The following ABCC4 variants were observed in gnomAD, a reference collection of about 807,000 sequenced individuals.
The protein encoded by ABCC4 is ATP-binding cassette sub-family C member 4.
A neutral mutation model predicts 168.5 loss-of-function variants in ABCC4; 102 were observed. That is an observed-to-expected ratio of 0.61 (90% confidence interval 0.52 to 0.71). The LOEUF is 0.71. Among genes scored for constraint, ABCC4 ranks in the 30% least tolerant of loss-of-function variants. ABCC4 has a pLI of 0.00. For synonymous variants in ABCC4, 617 were observed against 590.7 expected (o/e 1.04, Z -0.65); for missense variants, 1,402 against 1,605.8 (o/e 0.87, Z 2.17).
Position 95,254,713 on chromosome 13 carries a change from T to C in ABCC4, c.75-6960A>G, listed in dbSNP as rs1341611936. On this transcript the variant is annotated intron_variant, in intron 1 of 30. Coordinates refer to ENST00000645237, the MANE Select transcript of ABCC4 (RefSeq NM_005845.5). ...ACATGCAAAGTATATCCAGAAACAGTCACATTGACCCTATAAGGCTCACCC... is the reference window on the plus strand; with the variant it reads ...ACATGCAAAGTATATCCAGAAACAGCCACATTGACCCTATAAGGCTCACCC... Among the ~76,000 whole-genome samples the C allele has an allele frequency of 2.0e-5, 3 of 152,200 alleles. No individual in the cohort carries two copies. In the East Asian group the frequency reaches 5.8e-4, roughly 29 times the overall value.
At chr13:95,126,754 T>TATATA (rs2035785615) in intron 19 of ABCC4, among the ~76,000 whole-genome samples, 2 of 100,246 alleles carry the variant, frequency 2.0e-5, no homozygotes, top group Non-Finnish European at 4.2e-5. Context: ...TATATATATA[T>TATATA]TCCAAAATAT....
At chr13:95,077,187 C>T (rs778497746) in intron 21 of ABCC4, among the ~76,000 whole-genome samples, 7 of 152,186 alleles carry the variant, frequency 4.6e-5, no homozygotes, top group Admixed American at 1.3e-4. Flanking sequence ...ATTGGGGACA[C>T]GTGACCTAGC....
intron 25 of ABCC4, among the ~76,000 whole-genome samples, chr13:95,069,051 T>C (rs1324994271): frequency 2.0e-5 from 3 of 152,240 alleles, no homozygotes; most frequent in Admixed American, 2.0e-4. Context: ...CTTCTGGGCA[T>C]GAAGCTGTAT....
At chr13:95,119,291 A>G (rs2035481677) in intron 19 of ABCC4, among the ~76,000 whole-genome samples, 1 of 152,338 alleles carries the variant, frequency 6.6e-6, no homozygotes, top group Admixed American at 6.5e-5. Flanking sequence ...CCAAAATTCA[A>G]TTTTATAAGA....
At chr13:95,066,478 C>CA (rs200718321) in intron 25 of ABCC4, among the ~76,000 whole-genome samples, 1,782 of 151,694 alleles carry the variant, frequency 0.012, 20 homozygotes, top group African/African-American at 0.028. Context: ...TGGTGTCCTG[C>CA]AAAAAAAACC....
At chr13:95,126,785 A>AAAT (rs2035791288) in intron 19 of ABCC4, among the ~76,000 whole-genome samples, 1 of 131,072 alleles carries the variant, frequency 7.6e-6, no homozygotes, top group African/African-American at 2.9e-5. Flanking sequence ...AAGTACACCA[A>AAAT]ATATATATAT....
chr13:95,189,497 T>G (rs889407222), intron 9 of ABCC4, among the ~76,000 whole-genome samples: 3 of 152,194 alleles, frequency 2.0e-5, no homozygotes, highest in South Asian at 2.1e-4. Context: ...GGTTTTAATA[T>G]TCTATTTCAT....
rs374877163 is a variant in ABCC4, at chr13:95,234,615, G to A, written c.526C>T (p.Arg176Trp). 27 of 1,612,806 alleles carry A rather than the reference G, an allele frequency of 1.7e-5. No homozygotes were observed. The highest frequency in any genetic ancestry group is 2.1e-5 in the Non-Finnish European group (25 of 1,179,020). The change falls in exon 4 of 31, where the codon CGG (arginine) becomes TGG (tryptophan). Residue 176 changes from arginine (R) to tryptophan (W), a missense_variant. Arg to Trp is a moderately radical substitution (Grantham distance 101). Transcript: ENST00000645237. ...LRVAMCHMIY[R>W]KALRLSNMAM... ...TAATGCTGAATGTCACTTACCTTCC[G>A]ATAAATCATATGGCACATGGCTACT...
intron 20 of ABCC4, among the ~76,000 whole-genome samples, chr13:95,104,707 C>T (rs1328194566): frequency 6.6e-6 from 1 of 152,120 alleles, no homozygotes; most frequent in African/African-American, 2.4e-5. Context: ...GGATAAGTAG[C>T]ATGAATACGT....
At chr13:95,111,412 G>A (rs1303585206) in intron 20 of ABCC4, among the ~76,000 whole-genome samples, 1 of 152,166 alleles carries the variant, frequency 6.6e-6, no homozygotes, top group Non-Finnish European at 1.5e-5. Flanking sequence ...TATTCTATAA[G>A]TTATTTATTT....
intron 14 of ABCC4, among the ~76,000 whole-genome samples, chr13:95,168,570 A>G (rs1378247920): frequency 2.0e-5 from 3 of 152,234 alleles, no homozygotes; most frequent in Non-Finnish European, 4.4e-5. Flanking sequence ...CTTATAAAAT[A>G]TAATTAACAC....
intron 19 of ABCC4, among the ~76,000 whole-genome samples, chr13:95,134,652 G>A (rs879560267): frequency 9.2e-5 from 14 of 152,008 alleles, no homozygotes; most frequent in African/African-American, 2.9e-4. Flanking sequence ...CCCAAGAGGC[G>A]GAGGTTGCAG....
At chr13:95,250,715 GT>G (rs1434318373) in intron 1 of ABCC4, among the ~76,000 whole-genome samples, 1 of 136,102 alleles carries the variant, frequency 7.3e-6, no homozygotes, top group East Asian at 2.2e-4. Flanking sequence ...AGTTTTTGTT[GT>G]TTTTTCCCCC....
intron 20 of ABCC4, among the ~76,000 whole-genome samples, chr13:95,093,694 T>C (rs766742448): frequency 6.6e-6 from 1 of 152,014 alleles, no homozygotes; most frequent in South Asian, 2.1e-4. Flanking sequence ...CCTGGCCAGA[T>C]CAATCAGACA....
chr13:95,246,708 C>T (rs886812321), intron 3 of ABCC4, among the ~76,000 whole-genome samples: 1 of 152,168 alleles, frequency 6.6e-6, no homozygotes, highest in South Asian at 2.1e-4. Context: ...ACTCTTCTTC[C>T]ATGACACTGC....
rs1447017202 is a variant in ABCC4 at position 95,163,188 on chromosome 13, T to G, written c.2242A>C (p.Thr748Pro). 6.2e-7 allele frequency: 1 copy of G among 1,613,058 alleles called. No homozygotes were observed. Among genetic ancestry groups the G allele is most frequent in the African/African-American group, 1.3e-5 (1 of 74,886 alleles). The change falls in exon 18 of 31, where the codon ACT (threonine) becomes CCT (proline). Residue 748 changes from threonine to proline, a missense_variant. By Grantham distance (38) the Thr-to-Pro change is conservative (BLOSUM62 -1). Transcript: ENST00000645237. ...GTTACATTTCCTCCTCCATTTACAG[T>G]GACATTTAGCATACTTTGTTTGTTT... ...WANKQSMLNVTVNGGGNVTEK... is the reference protein window; with the variant it reads ...WANKQSMLNVPVNGGGNVTEK...
chr13:95,213,601 G>A (rs1022344571), intron 4 of ABCC4, among the ~76,000 whole-genome samples: 12 of 130,350 alleles, frequency 9.2e-5, no homozygotes, highest in African/African-American at 2.4e-4. Context: ...AGGAGATGCC[G>A]CCCGAGGAGA....
chr13:95,288,900 T>G (rs1188627057), intron 1 of ABCC4, among the ~76,000 whole-genome samples: 2 of 152,236 alleles, frequency 1.3e-5, no homozygotes, highest in Admixed American at 6.5e-5. Flanking sequence ...GTTTTATAGT[T>G]GAACAAATTG....
intron 1 of ABCC4, among the ~76,000 whole-genome samples, chr13:95,253,074 C>T (rs2040306906): frequency 6.6e-6 from 1 of 152,160 alleles, no homozygotes; most frequent in African/African-American, 2.4e-5. Context: ...TTCTTCCTCA[C>T]CTTCCTGTGT....
Sources: gnomAD v4.1 joint callset for allele counts (sites outside exome capture counted in the v4.1 genomes callset) on GRCh38, gnomAD v4.1.1 for gene constraint, MANE v1.5 for transcripts, NCBI Gene and HGNC (gene_info 2026-07-23, HGNC 2026-07-21) for gene names.